The following GRIA4 variants were observed in gnomAD, a reference collection of about 807,000 sequenced individuals.
GRIA4 encodes glutamate ionotropic receptor AMPA type subunit 4.
In GRIA4, 34 loss-of-function variants were observed where a neutral mutation model predicts 104.0. The ratio of observed to expected loss-of-function variants is 0.33; its 90% CI spans 0.25 to 0.44. The LOEUF is 0.44. GRIA4 is among the 20% of genes least tolerant of loss of function. The pLI is 1.00. For missense variants in GRIA4, 750 were observed against 1,096.5 expected (o/e 0.68, Z 4.46); for synonymous variants, 386 against 381.9 (o/e 1.01, Z -0.13).
Position 105,898,350 on chromosome 11 carries a change from C to T in GRIA4, c.808C>T (p.Pro270Ser). The T allele has an allele frequency of 6.3e-7, 1 of 1,577,998 alleles. No homozygotes were observed. The highest frequency in any genetic ancestry group is 1.3e-5 in the African/African-American group (1 of 74,312). Residue 270 changes from proline (P) to serine (S), a missense_variant, in exon 7 of 17, where the codon CCT becomes TCT. Pro to Ser is a moderately conservative substitution (Grantham distance 74). This residue lies in a region of GRIA4 where 410 missense variants were observed against 502.7 expected (regional missense o/e 0.82). Coordinates refer to ENST00000282499, the MANE Select transcript of GRIA4 (RefSeq NM_000829.4). ...ATTCCAGTTGGTGGATTTTAATACA[C>T]CTATGGTAATCAAACTAATGGATCG... is the stretch of plus-strand genomic sequence containing the variant. ...TGFQLVDFNT[P>S]MVIKLMDRWK...
At chr11:105,881,369 G>A (rs553169411) in intron 5 of GRIA4, among the ~76,000 whole-genome samples, 1 of 152,314 alleles carries the variant, frequency 6.6e-6, no homozygotes, top group Admixed American at 6.5e-5. Flanking sequence ...GCTGGCAGTT[G>A]GAAGGTGAGC....
chr11:105,643,460 A>G (rs937103100), intron 3 of GRIA4, among the ~76,000 whole-genome samples: 9 of 152,074 alleles, frequency 5.9e-5, no homozygotes, highest in Non-Finnish European at 1.3e-4. Context: ...TGACTCTCTC[A>G]TCTATTTTTA....
chr11:105,935,429 C>T (rs915726708), intron 14 of GRIA4, among the ~76,000 whole-genome samples: 1 of 152,126 alleles, frequency 6.6e-6, no homozygotes, highest in Admixed American at 6.5e-5. Flanking sequence ...TTCAACTATT[C>T]AGAAACTTAA....
At chr11:105,611,205 T>C (rs1040333686) in intron 2 of GRIA4, 120 bp downstream of exon 2, 11 of 720,834 alleles carry the variant, frequency 1.5e-5, no homozygotes, top group Non-Finnish European at 2.5e-5. Context: ...TCCCCTCTGT[T>C]TCCCTCCTCT....
intron 4 of GRIA4, among the ~76,000 whole-genome samples, chr11:105,858,030 ACCT>A (rs1372297400): frequency 6.6e-6 from 1 of 152,124 alleles, no homozygotes; most frequent in East Asian, 1.9e-4. Context: ...AGGACTGCTT[ACCT>A]CATTTTGATT....
chr11:105,706,509 G>A (rs1258510778), intron 3 of GRIA4: 1 of 153,048 alleles, frequency 6.5e-6, no homozygotes, highest in East Asian at 1.9e-4. Flanking sequence ...AGTAATAGAA[G>A]ATGGTGTGAT....
At chr11:105,965,018 G>A (rs1301091818) in intron 14 of GRIA4, among the ~76,000 whole-genome samples, 1 of 152,032 alleles carries the variant, frequency 6.6e-6, no homozygotes, top group Admixed American at 6.5e-5. Context: ...TGTTGGCCAG[G>A]CTGGTCTTGA....
chr11:105,886,917 AAAG>A lies in GRIA4; in HGVS notation c.673-599_673-597del, dbSNP rs1253741644. 1.1e-4 allele frequency among the ~76,000 whole-genome samples: 17 copies of A among 151,960 alleles called. No individual in the cohort carries two copies. In the East Asian group the frequency reaches 3.3e-3, roughly 29 times the overall value. ...TCTGAAAACATTCTCAGAAAAAAAA[AAAG>A]AATCCAACAGAGAGAAAAGCTTTTT... is the stretch of plus-strand genomic sequence containing the variant. On this transcript the variant is annotated intron_variant, in intron 5 of 16. Coordinates refer to ENST00000282499, the MANE Select transcript of GRIA4 (RefSeq NM_000829.4).
At chr11:105,836,551 C>T (rs1415145841) in intron 4 of GRIA4, among the ~76,000 whole-genome samples, 1 of 152,120 alleles carries the variant, frequency 6.6e-6, no homozygotes, top group Non-Finnish European at 1.5e-5. Flanking sequence ...TGTACACTTT[C>T]CTCCCCTTAG....
intron 12 of GRIA4, 47 bp from the exon 13 acceptor site, chr11:105,926,694 A>T (rs780690916): frequency 8.9e-7 from 1 of 1,126,824 alleles, no homozygotes; most frequent in Non-Finnish European, 1.4e-6. Flanking sequence ...TTCTTTCTCT[A>T]TGTTGGTTAA....
At chr11:105,663,788 T>C (rs938494424) in intron 3 of GRIA4, among the ~76,000 whole-genome samples, 3 of 151,904 alleles carry the variant, frequency 2.0e-5, no homozygotes, top group African/African-American at 7.2e-5. Context: ...GACACTGAAG[T>C]CAATAGTCCA....
Position 105,979,802 on chromosome 11 carries a change from G to A in GRIA4, c.*63G>A. ...TGGTGACTGGTGGAAACGCAGCCCTGAGGGACACGCCACGCGCGGGTCTTT... is the reference window on the plus strand; with the variant it reads ...TGGTGACTGGTGGAAACGCAGCCCTAAGGGACACGCCACGCGCGGGTCTTT... On this transcript the variant is annotated 3_prime_UTR_variant, in exon 17 of 17. Coordinates refer to ENST00000282499, the MANE Select transcript of GRIA4 (RefSeq NM_000829.4). 7.7e-7 allele frequency: 1 copy of A among 1,297,028 alleles called. No individual in the cohort carries two copies. Among genetic ancestry groups the A allele is most frequent in the East Asian group, 2.4e-5 (1 of 41,310 alleles). 80.3% of individuals were successfully genotyped at this position (1,297,028 alleles called of 1,614,324 possible).
Position 105,835,173 on chromosome 11 carries a change from T to A in GRIA4, c.488-26851T>A, listed in dbSNP as rs79639939. On this transcript the variant is annotated intron_variant, in intron 4 of 16. Coordinates refer to ENST00000282499, the MANE Select transcript of GRIA4 (RefSeq NM_000829.4). ...GTTACTATTAAATTTTATACTTAAT[T>A]ATTTAAAAATTGAAACAGTAGAAAG... 7.4e-3 allele frequency among the ~76,000 whole-genome samples: 1,119 copies of A among 152,020 alleles called. 11 individuals are homozygous for A. The highest frequency in any genetic ancestry group is 0.01 in the Non-Finnish European group (703 of 67,934).
intron 3 of GRIA4, among the ~76,000 whole-genome samples, chr11:105,646,619 G>C (rs1310643802): frequency 6.6e-6 from 1 of 152,126 alleles, no homozygotes; most frequent in African/African-American, 2.4e-5. Context: ...ACAGAATAGA[G>C]AACTTAGAAA....
chr11:105,878,520 C>T (rs746904926), intron 5 of GRIA4, among the ~76,000 whole-genome samples: 8 of 152,200 alleles, frequency 5.3e-5, no homozygotes, highest in Non-Finnish European at 1.2e-4. Context: ...CCCACAGCCA[C>T]CCCTTCCCCC....
In GRIA4 at chr11:105,610,339, GAAGAA is replaced by G. The variant is rs1318349292; in HGVS notation, c.-175_-171del. 1.3e-5 allele frequency: 2 copies of G among 152,460 alleles called. No homozygotes were observed. Among genetic ancestry groups the G allele is most frequent in the Non-Finnish European group, 2.9e-5 (2 of 68,192 alleles). 9.4% of individuals were successfully genotyped at this position (152,460 alleles called of 1,614,324 possible). A position where few individuals can be genotyped will look rare whatever the true frequency, so the allele number is the denominator to read the frequency against. ...AGAGTCGGTCCCTCTGCGAACCGAG[GAAGAA>G]AAGAGGAGGGAGTCAGCGAGTGGTC... is the stretch of plus-strand genomic sequence containing the variant. On this transcript the variant is annotated 5_prime_UTR_variant, in exon 1 of 17. Transcript: ENST00000282499.
At chr11:105,621,550 T>G (rs1486481468) in intron 3 of GRIA4, among the ~76,000 whole-genome samples, 8 of 151,776 alleles carry the variant, frequency 5.3e-5, no homozygotes, top group Admixed American at 3.9e-4. Context: ...ATTTAAGAAC[T>G]GCTTCATTTT....
At chr11:105,830,687 T>C (rs1220848598) in intron 4 of GRIA4, among the ~76,000 whole-genome samples, 1 of 152,014 alleles carries the variant, frequency 6.6e-6, no homozygotes, top group Non-Finnish European at 1.5e-5. Flanking sequence ...CTTGCAGTTT[T>C]ATCTACTCAA....
intron 5 of GRIA4, among the ~76,000 whole-genome samples, 190 bp from the exon 6 acceptor site, chr11:105,887,329 A>C (rs1246951798): frequency 6.6e-6 from 1 of 152,138 alleles, no homozygotes; most frequent in Non-Finnish European, 1.5e-5. Flanking sequence ...TAAAAGTGGT[A>C]CTTTTTACCA....
Sources: gnomAD v4.1 joint callset for allele counts (sites outside exome capture counted in the v4.1 genomes callset) on GRCh38, gnomAD v4.1.1 for gene constraint, gnomAD v4.1.1 regional missense constraint, MANE v1.5 for transcripts, NCBI Gene and HGNC (gene_info 2026-07-23, HGNC 2026-07-21) for gene names.